KIAA1549L: variants seen among roughly 807,000 people sequenced by gnomAD.
The protein encoded by KIAA1549L is KIAA1549 like.
Under a neutral mutation model 160.7 loss-of-function variants are expected in KIAA1549L, and 88 were observed. The observed-to-expected ratio is 0.55, with a 90% CI of 0.46 to 0.65. The LOEUF (loss-of-function observed/expected upper bound fraction) is 0.65, where lower values mean the gene tolerates loss of function less well. Among genes scored for constraint, KIAA1549L ranks in the 30% least tolerant of loss-of-function variants. KIAA1549L has a pLI of 0.00. For synonymous variants in KIAA1549L, 950 were observed against 976.7 expected (o/e 0.97, Z 0.51); for missense variants, 2,258 against 2,437.5 (o/e 0.93, Z 1.55).
At chr11:33,480,191 A>C (rs60101829) in intron 1 of KIAA1549L, among the ~76,000 whole-genome samples, 2,888 of 152,186 alleles carry the variant, frequency 0.019, 78 homozygotes, top group African/African-American at 0.062. Context: ...CAATTTTAGA[A>C]CATTTTCCTC....
rs1590376110 is a variant in KIAA1549L at position 33,591,521 on chromosome 11, A to G, written c.4751+100A>G. ...AAGTTAATTCCACGGTTCTCTTTAA[A>G]AATTCCCCTTCATGCTCATTTTGAA... is the stretch of plus-strand genomic sequence containing the variant. On this transcript the variant is annotated intron_variant, in intron 12 of 20. Coordinates refer to ENST00000658780, the MANE Select transcript of KIAA1549L (RefSeq NM_012194.3). 5 of 942,558 alleles carry G rather than the reference A, an allele frequency of 5.3e-6. No individual in the cohort carries two copies. In the East Asian group the frequency reaches 1.2e-4, roughly 23 times the overall value. The allele number at this position is 942,558 out of a possible 1,614,324, so 58.4% of individuals were successfully genotyped here.
chr11:33,448,665 C>T lies in KIAA1549L; in HGVS notation c.238+71776C>T, dbSNP rs187587261. On this transcript the variant is annotated intron_variant, in intron 1 of 20. Coordinates refer to ENST00000658780, the MANE Select transcript of KIAA1549L (RefSeq NM_012194.3). ...CCAGTGTTCTTCCTCAGTGCGGGAACGCTGGCATGCCAGAAAGTGCTTTTC... is the reference window on the plus strand; with the variant it reads ...CCAGTGTTCTTCCTCAGTGCGGGAATGCTGGCATGCCAGAAAGTGCTTTTC... Among the ~76,000 whole-genome samples the T allele has an allele frequency of 8.5e-5, 13 of 152,256 alleles. No individual in the cohort carries two copies. In the East Asian group the frequency reaches 1.7e-3, roughly 20 times the overall value.
At chr11:33,424,334 C>A (rs1225804067) in intron 1 of KIAA1549L, among the ~76,000 whole-genome samples, 1 of 152,188 alleles carries the variant, frequency 6.6e-6, no homozygotes, top group Non-Finnish European at 1.5e-5. Flanking sequence ...GAGAGTCCTT[C>A]TTCACCACAA....
chr11:33,412,351 G>A (rs731738), intron 1 of KIAA1549L, among the ~76,000 whole-genome samples: 43,010 of 152,052 alleles, frequency 0.28, 6,410 homozygotes, highest in East Asian at 0.55. Context: ...ATCTATTCAA[G>A]TTGTAAAATA....
At chr11:33,620,463 C>T (rs1368687516) in intron 16 of KIAA1549L, among the ~76,000 whole-genome samples, 1 of 152,210 alleles carries the variant, frequency 6.6e-6, no homozygotes. Context: ...TATATCTCCT[C>T]TTGTGCTTTT....
intron 20 of KIAA1549L, among the ~76,000 whole-genome samples, chr11:33,664,651 C>T (rs1053679079): frequency 6.6e-6 from 1 of 152,192 alleles, no homozygotes; most frequent in Non-Finnish European, 1.5e-5. Context: ...CTGACCTTTC[C>T]TGCCATGTGA....
At position 33,521,285 on chromosome 11, in the gene KIAA1549L, T is replaced by C. The variant is rs547724274; in HGVS notation, c.239-20517T>C. 4.1e-4 allele frequency among the ~76,000 whole-genome samples: 63 copies of C among 152,272 alleles called. No individual in the cohort carries two copies. In the South Asian group the frequency reaches 6.6e-3, roughly 16 times the overall value. On this transcript the variant is annotated intron_variant, in intron 1 of 20. Coordinates refer to ENST00000658780, the MANE Select transcript of KIAA1549L (RefSeq NM_012194.3). The stretch of plus-strand genomic sequence containing the variant: ...TGCTCTGTAGTGAGGCAGGATACAG[T>C]TGCGGTTAAGAATGTAGACTCTGGG...
In KIAA1549L at chr11:33,645,788, C is replaced by G; in HGVS notation, c.5512C>G (p.Leu1838Val). 2 of 1,613,966 alleles carry G rather than the reference C, an allele frequency of 1.2e-6. No homozygotes were observed. The highest frequency in any genetic ancestry group is 1.7e-6 in the Non-Finnish European group (2 of 1,179,880). The change falls in exon 17 of 21, where the codon CTG becomes GTG. Residue 1838 changes from leucine to valine, a missense_variant. Leu to Val is a conservative substitution (Grantham distance 32). Coordinates refer to ENST00000658780, the MANE Select transcript of KIAA1549L (RefSeq NM_012194.3). ...QVKGHSETSTLSSQPSIDEVR... is the reference protein window; with the variant it reads ...QVKGHSETSTVSSQPSIDEVR... ...GAAAGGCCACTCGGAGACCTCCACA[C>G]TGAGCTCCCAGCCATCCATCGACGA...
intron 1 of KIAA1549L, among the ~76,000 whole-genome samples, chr11:33,447,590 G>A (rs1381385285): frequency 6.9e-6 from 1 of 143,888 alleles, no homozygotes; most frequent in Non-Finnish European, 1.5e-5. Flanking sequence ...TATCTAGTCA[G>A]TTTTTATTCA....
chr11:33,482,182 A>G lies in KIAA1549L; in HGVS notation c.239-59620A>G, dbSNP rs1001838704. On this transcript the variant is annotated intron_variant, in intron 1 of 20. Transcript: ENST00000658780. ...TGTAAGCAAAGGTTATTGATTTTTG[A>G]GGATTATTTTATACCCTCAATTTTG... is the stretch of plus-strand genomic sequence containing the variant. 5.3e-5 allele frequency among the ~76,000 whole-genome samples: 8 copies of G among 152,010 alleles called. No individual in the cohort carries two copies. In the East Asian group the frequency reaches 1.5e-3, roughly 29 times the overall value.
chr11:33,545,049 C>T lies in KIAA1549L; in HGVS notation c.3056C>T (p.Thr1019Met), dbSNP rs779475939. Residue 1019 changes from threonine to methionine, a missense_variant, in exon 3 of 21, where the codon ACG (threonine) becomes ATG (methionine). Coordinates refer to ENST00000658780, the MANE Select transcript of KIAA1549L (RefSeq NM_012194.3). Reference sequence around the variant, plus strand: ...ATGTATGCAAGAACAGGACATACCACGAGCACACATACAGCCATGCAAGGA... The same window carrying T: ...ATGTATGCAAGAACAGGACATACCATGAGCACACATACAGCCATGCAAGGA... ...TYMYARTGHT[T>M]STHTAMQGNM... 73 of 1,614,032 alleles carry T rather than the reference C, an allele frequency of 4.5e-5. No individual in the cohort carries two copies. The highest frequency in any genetic ancestry group is 3.8e-4 in the South Asian group (35 of 91,088).
chr11:33,658,315 T>G (rs1362715510), intron 18 of KIAA1549L, among the ~76,000 whole-genome samples: 1 of 152,090 alleles, frequency 6.6e-6, no homozygotes, highest in Admixed American at 6.5e-5. Context: ...GGGTCCCCTT[T>G]CTGGTGTCGG....
At position 33,549,891 on chromosome 11, in the gene KIAA1549L, G is replaced by A. The variant is rs146824240; in HGVS notation, c.3502-1149G>A. Among the ~76,000 whole-genome samples the A allele has an allele frequency of 8.2e-3, 1,244 of 152,138 alleles. 12 individuals are homozygous for A. Among genetic ancestry groups the A allele is most frequent in the Non-Finnish European group, 0.013 (871 of 68,014 alleles). On this transcript the variant is annotated intron_variant, in intron 4 of 20. Coordinates refer to ENST00000658780, the MANE Select transcript of KIAA1549L (RefSeq NM_012194.3). ...ATGGTGGCACACACCTGTAGTCCTAGCTACTCGAGAGGCTGAGGTGGGAGA... is the reference window on the plus strand; with the variant it reads ...ATGGTGGCACACACCTGTAGTCCTAACTACTCGAGAGGCTGAGGTGGGAGA...
chr11:33,652,593 A>C (rs1466077584), intron 17 of KIAA1549L, among the ~76,000 whole-genome samples: 3 of 152,232 alleles, frequency 2.0e-5, no homozygotes, highest in Non-Finnish European at 4.4e-5. Flanking sequence ...CTGACTACAG[A>C]ATAAGCCTTC....
At position 33,501,761 on chromosome 11, in the gene KIAA1549L, C is replaced by T. The variant is rs9667934; in HGVS notation, c.239-40041C>T. Among the ~76,000 whole-genome samples the T allele has an allele frequency of 9.5e-3, 1,448 of 151,926 alleles. 27 individuals carry two copies. The highest frequency in any genetic ancestry group is 0.031 in the African/African-American group (1,277 of 41,240). On this transcript the variant is annotated intron_variant, in intron 1 of 20. Transcript: ENST00000658780. ...TAGTGCTATGTGTTGCCAGGCACTA[C>T]TCTGAGTATCTTACCTTTATTGACT...
chr11:33,548,919 T>C (rs1333287949), intron 4 of KIAA1549L, among the ~76,000 whole-genome samples: 1 of 152,180 alleles, frequency 6.6e-6, no homozygotes, highest in Admixed American at 6.5e-5. Context: ...CATACTTTAT[T>C]GATCATTGTC....
chr11:33,467,923 C>G (rs1255311612), intron 1 of KIAA1549L, among the ~76,000 whole-genome samples: 1 of 152,214 alleles, frequency 6.6e-6, no homozygotes, highest in African/African-American at 2.4e-5. Flanking sequence ...CAACAAAAAT[C>G]TTGTCTTTTG....
intron 17 of KIAA1549L, among the ~76,000 whole-genome samples, chr11:33,651,078 G>A (rs577562374): frequency 6.6e-6 from 1 of 152,296 alleles, no homozygotes; most frequent in South Asian, 2.1e-4. Context: ...TCCACAGAGT[G>A]TAAATGTACC....
At chr11:33,588,248 T>A (rs535474750) in intron 11 of KIAA1549L, among the ~76,000 whole-genome samples, 33 of 152,314 alleles carry the variant, frequency 2.2e-4, no homozygotes, top group African/African-American at 7.9e-4. Context: ...ACTTTATATG[T>A]TCAGCACCAA....
Sources: allele counts gnomAD v4.1 joint callset (sites outside exome capture counted in the v4.1 genomes callset), GRCh38; gene constraint gnomAD v4.1.1; transcripts MANE v1.5; gene names NCBI Gene and HGNC (gene_info 2026-07-23, HGNC 2026-07-21).